Variants in PPP5C observed in about 807,000 individuals in gnomAD.
The protein encoded by PPP5C is protein phosphatase 5 catalytic subunit.
A neutral mutation model predicts 66.7 loss-of-function variants in PPP5C; 21 were observed. The ratio of observed to expected loss-of-function variants is 0.31; its 90% confidence interval spans 0.22 to 0.45. The LOEUF (loss-of-function observed/expected upper bound fraction) is 0.45, where lower values mean the gene tolerates loss of function less well. Among genes scored for constraint, PPP5C ranks in the 20% least tolerant of loss-of-function variants. The pLI is 1.00. For missense variants in PPP5C, 464 were observed against 675.9 expected (o/e 0.69, Z 3.48); for synonymous variants, 246 against 257.4 (o/e 0.96, Z 0.43).
chr19:46,371,296 G>T (rs1051798722), intron 2 of PPP5C, among the ~76,000 whole-genome samples: 1 of 152,164 alleles, frequency 6.6e-6, no homozygotes, highest in South Asian at 2.1e-4. Context: ...TTAGAAATGC[G>T]TGTTGCCTTG....
rs1399605969 is a variant in PPP5C, at chr19:46,388,249, C to T, written c.1136-159C>T. ...TGGGGGTGGCTCAGAATCACAGTCA[C>T]CTGTCCTGAATGTCCATGTCCATGC... On this transcript the variant is annotated intron_variant, in intron 9 of 12. Transcript: ENST00000012443. The surrounding 1 kb of genome is among the most constrained non-coding windows in gnomAD (Gnocchi z 4.9). 2 of 739,342 alleles carry T rather than the reference C, an allele frequency of 2.7e-6. No individual in the cohort carries two copies. Among genetic ancestry groups the T allele is most frequent in the African/African-American group, 3.5e-5 (2 of 56,376 alleles). The allele number at this position is 739,342 out of a possible 1,614,324, so 45.8% of individuals were successfully genotyped here.
At chr19:46,371,172 GC>G (rs1223839785) in intron 2 of PPP5C, among the ~76,000 whole-genome samples, 2 of 152,284 alleles carry the variant, frequency 1.3e-5, no homozygotes, top group African/African-American at 4.8e-5. Flanking sequence ...GAACTTGGGT[GC>G]AAACCTAGGC....
In PPP5C at chr19:46,353,998, G is replaced by T; in HGVS notation, c.363+9G>T. On this transcript the variant is annotated intron_variant, in intron 2 of 12. Transcript: ENST00000012443. ...TGCGAGACTACGAGACGGTGAGCTG[G>T]GGAGTGGGCCAGGCCTGGCACCTGA... The T allele has an allele frequency of 6.2e-7, 1 of 1,610,516 alleles. No individual in the cohort carries two copies.
rs74360045 is a variant in PPP5C at position 46,357,563 on chromosome 19, T to C, written c.363+3574T>C. Reference sequence around the variant, plus strand: ...AGGTTGAGGACTTAGTCCCCACTTGTCCCTTATTTCTGATGCTGATCACAA... The same window carrying C: ...AGGTTGAGGACTTAGTCCCCACTTGCCCCTTATTTCTGATGCTGATCACAA... On this transcript the variant is annotated intron_variant, in intron 2 of 12. Coordinates refer to ENST00000012443, the MANE Select transcript of PPP5C (RefSeq NM_006247.4). Among the ~76,000 whole-genome samples, 412 of 152,306 alleles carry C rather than the reference T, an allele frequency of 2.7e-3. 7 individuals carry two copies. The East Asian group carries it at 0.038, about 14-fold the overall frequency.
Position 46,387,453 on chromosome 19 carries a change from G to C in PPP5C, c.1135G>C (p.Gly379Arg). The C allele has an allele frequency of 6.2e-7, 1 of 1,614,056 alleles. No homozygotes were observed. The change falls in exon 9 of 13, where the codon GGG becomes CGG. Residue 379 changes from glycine to arginine, a missense_variant and splice_region_variant. Coordinates refer to ENST00000012443, the MANE Select transcript of PPP5C (RefSeq NM_006247.4). ...GCGGAATCGACAACCCCCAGATTCA[G>C]GTGAGCAGCGCGGGGCCAGGTGTCT... ...IERNRQPPDSGPMCDLLWSDP... is the reference protein window; with the variant it reads ...IERNRQPPDSRPMCDLLWSDP...
chr19:46,347,953 A>C (rs909499064), intron 1 of PPP5C, among the ~76,000 whole-genome samples: 5 of 149,024 alleles, frequency 3.4e-5, no homozygotes, highest in South Asian at 2.1e-4. Context: ...AAAAAAAAAA[A>C]CAAAAAAAAA....
intron 2 of PPP5C, among the ~76,000 whole-genome samples, chr19:46,371,249 G>T (rs937408157): frequency 3.9e-5 from 6 of 152,080 alleles, no homozygotes; most frequent in African/African-American, 1.2e-4. Flanking sequence ...TTGTTCTGTG[G>T]CTTTGGGTTC....
chr19:46,385,562 C>G (rs10402292), intron 7 of PPP5C, among the ~76,000 whole-genome samples: 1 of 152,128 alleles, frequency 6.6e-6, no homozygotes, highest in Non-Finnish European at 1.5e-5. Flanking sequence ...GGTGGATCAT[C>G]TGAGGTCAAG....
At chr19:46,377,115 C>T (rs1972709853) in intron 4 of PPP5C, among the ~76,000 whole-genome samples, 1 of 152,186 alleles carries the variant, frequency 6.6e-6, no homozygotes. Context: ...GATCCACCAC[C>T]TCCTGGGTTG....
In PPP5C at chr19:46,375,667, G is replaced by A. The variant is rs374447988; in HGVS notation, c.427G>A (p.Val143Met). 111 of 1,613,954 alleles carry A rather than the reference G, an allele frequency of 6.9e-5. No homozygotes were observed. The highest frequency in any genetic ancestry group is 8.6e-5 in the Non-Finnish European group (102 of 1,179,914). ...KMKYQECNKI[V>M]KQKAFERAIA... ...GAAATACCAGGAGTGCAACAAGATCGTGAAGCAGAAGGCCTTTGAGCGGGC... is the reference window on the plus strand; with the variant it reads ...GAAATACCAGGAGTGCAACAAGATCATGAAGCAGAAGGCCTTTGAGCGGGC... The change falls in exon 3 of 13, where the codon GTG becomes ATG. Residue 143 changes from valine to methionine, a missense_variant. Transcript: ENST00000012443.
Position 46,347,123 on chromosome 19 carries a change from T to A in PPP5C, c.27T>A (p.Thr9=), listed in dbSNP as rs1025177600. 5.6e-6 allele frequency: 9 copies of A among 1,604,602 alleles called. No homozygotes were observed. Among genetic ancestry groups the A allele is most frequent in the Non-Finnish European group, 7.7e-6 (9 of 1,175,906 alleles). The change falls in exon 1 of 13, where the codon ACT becomes ACA. Residue 9 remains threonine, a synonymous_variant. Coordinates refer to ENST00000012443, the MANE Select transcript of PPP5C (RefSeq NM_006247.4). MAMAEGER[T]ECAEPPRDEP... is the part of the protein sequence containing the mutation. ...TGGCGATGGCGGAGGGCGAGAGGAC[T>A]GAGTGTGCTGAGCCCCCCCGGGACG...
chr19:46,375,850 G>T, intron 3 of PPP5C, 99 bp downstream of exon 3: 1 of 1,474,146 alleles, frequency 6.8e-7, no homozygotes. Flanking sequence ...GTGGCCCCTT[G>T]TTCTGTCCCC....
Position 46,353,447 on chromosome 19 carries a change from C to A in PPP5C, c.122-301C>A, listed in dbSNP as rs1485346022. 3.3e-5 allele frequency among the ~76,000 whole-genome samples: 5 copies of A among 150,420 alleles called. No homozygotes were observed. The South Asian group carries it at 1.1e-3, about 32-fold the overall frequency. On this transcript the variant is annotated intron_variant, in intron 1 of 12. Coordinates refer to ENST00000012443, the MANE Select transcript of PPP5C (RefSeq NM_006247.4). ...AGACAAGGCTCAACCACCTCTGGGCCTCTGCACCTGCTCTTCTTGCTATCG... is the reference window on the plus strand; with the variant it reads ...AGACAAGGCTCAACCACCTCTGGGCATCTGCACCTGCTCTTCTTGCTATCG...
intron 2 of PPP5C, among the ~76,000 whole-genome samples, 192 bp from the exon 3 acceptor site, chr19:46,375,412 C>G (rs1458407363): frequency 6.6e-6 from 1 of 152,244 alleles, no homozygotes; most frequent in East Asian, 1.9e-4. Flanking sequence ...ATGCGGGCAG[C>G]TTTGCTGTGC....
intron 2 of PPP5C, among the ~76,000 whole-genome samples, chr19:46,371,713 C>A (rs1466535878): frequency 6.6e-6 from 1 of 152,216 alleles, no homozygotes; most frequent in African/African-American, 2.4e-5. Context: ...TCACCAGAAA[C>A]TAACCCACTA....
At chr19:46,358,131 T>C (rs1972319408) in intron 2 of PPP5C, among the ~76,000 whole-genome samples, 1 of 152,200 alleles carries the variant, frequency 6.6e-6, no homozygotes, top group Non-Finnish European at 1.5e-5. Context: ...AGGAGTTATG[T>C]GCCAGAAAAC....
At chr19:46,358,779 T>C (rs1379103821) in intron 2 of PPP5C, among the ~76,000 whole-genome samples, 1 of 152,132 alleles carries the variant, frequency 6.6e-6, no homozygotes, top group African/African-American at 2.4e-5. Context: ...AAAAATAACA[T>C]TGATCAGTAA....
chr19:46,388,753 C>G lies in PPP5C; in HGVS notation c.1355+22C>G, dbSNP rs1972936977. The G allele has an allele frequency of 1.2e-6, 2 of 1,605,246 alleles. No individual in the cohort carries two copies. The highest frequency in any genetic ancestry group is 4.5e-5 in the East Asian group (2 of 44,632). On this transcript the variant is annotated intron_variant, in intron 11 of 12. Transcript: ENST00000012443. The surrounding 1 kb of genome is among the most constrained non-coding windows in gnomAD (Gnocchi z 4.9). Reference sequence around the variant, plus strand: ...ACTGGTATGTCTTTGCCTTTCCAGCCCAGGGCCTCTACCAAGCCACGGGTT... The same window carrying G: ...ACTGGTATGTCTTTGCCTTTCCAGCGCAGGGCCTCTACCAAGCCACGGGTT...
intron 4 of PPP5C, among the ~76,000 whole-genome samples, chr19:46,380,992 A>T (rs551596491): frequency 6.6e-6 from 1 of 152,260 alleles, no homozygotes; most frequent in South Asian, 2.1e-4. Flanking sequence ...AGCTAATAAC[A>T]TGCTCTTTGA....
Sources: gnomAD v4.1 joint callset for allele counts (sites outside exome capture counted in the v4.1 genomes callset) on GRCh38, gnomAD v4.1.1 for gene constraint, Gnocchi (gnomAD v3.1) non-coding constraint, MANE v1.5 for transcripts, NCBI Gene and HGNC (gene_info 2026-07-23, HGNC 2026-07-21) for gene names.